KLHL29: variants seen among roughly 807,000 people sequenced by gnomAD.
KLHL29 encodes kelch like family member 29, also known as kelch-like protein 29.
KLHL29 carries 21 observed loss-of-function variants against 80.4 expected under a neutral mutation model. That is an observed-to-expected ratio of 0.26 (90% CI 0.19 to 0.38). KLHL29 has a LOEUF of 0.38. KLHL29 is among the 10% of genes least tolerant of loss of function. KLHL29 has a pLI of 1.00. For synonymous variants in KLHL29, 511 were observed against 526.8 expected, an observed-to-expected ratio of 0.97 and a Z score of 0.41; for missense variants, 867 against 1,223.9, an observed-to-expected ratio of 0.71 and a Z score of 4.35.
chr2:23,498,933 C>G (rs1469523086), intron 2 of KLHL29, among the ~76,000 whole-genome samples: 3 of 152,270 alleles, frequency 2.0e-5, no homozygotes, highest in Admixed American at 6.5e-5. Context: ...ACGGAGCTCT[C>G]AGAGAGAAAT....
intron 1 of KLHL29, among the ~76,000 whole-genome samples, chr2:23,438,958 T>C (rs1663428528): frequency 6.8e-6 from 1 of 146,628 alleles, no homozygotes; most frequent in African/African-American, 2.6e-5. Flanking sequence ...TTTTGGTAGG[T>C]AAGCTATTGA....
At chr2:23,584,332 G>T (rs1292268895) in intron 3 of KLHL29, among the ~76,000 whole-genome samples, 5 of 152,184 alleles carry the variant, frequency 3.3e-5, no homozygotes, top group Admixed American at 1.3e-4. Flanking sequence ...CCCAGGGACT[G>T]GGGGCAGAGC....
At chr2:23,421,506 A>G (rs1198400912) in intron 1 of KLHL29, among the ~76,000 whole-genome samples, 2 of 150,782 alleles carry the variant, frequency 1.3e-5, no homozygotes, top group East Asian at 3.9e-4. Flanking sequence ...AATGTCAGGA[A>G]GGAAGGTTTA....
At chr2:23,656,091 G>T (rs1670235659) in intron 5 of KLHL29, among the ~76,000 whole-genome samples, 1 of 152,216 alleles carries the variant, frequency 6.6e-6, no homozygotes, top group Non-Finnish European at 1.5e-5. Context: ...TAAAAAGAAA[G>T]GGACCATCTG....
intron 2 of KLHL29, among the ~76,000 whole-genome samples, chr2:23,508,032 G>C (rs1222577401): frequency 6.6e-6 from 1 of 152,178 alleles, no homozygotes; most frequent in Non-Finnish European, 1.5e-5. Flanking sequence ...CCTGGTTCAC[G>C]CATGCTCCTC....
chr2:23,695,644 G>A lies in KLHL29; in HGVS notation c.1564G>A (p.Val522Met), dbSNP rs1023459037. Residue 522 changes from valine (V) to methionine (M), a missense_variant, in exon 9 of 14, where the codon GTG becomes ATG. Transcript: ENST00000486442. This position sits in a 1 kb window ranked among gnomAD's most constrained non-coding sequence, Gnocchi z 7.6. ...GCAGTACGCGGCTGAGCTCCTGGCC[G>A]TGGTCCGCCTCCCCTTCATCCACCC... ...RTQYAAELLA[V>M]VRLPFIHPSY... 7 of 1,551,050 alleles carry A rather than the reference G, an allele frequency of 4.5e-6. No homozygotes were observed. The highest frequency in any genetic ancestry group is 1.2e-5 in the South Asian group (1 of 84,016).
At chr2:23,622,647 G>T (rs1309908825) in intron 3 of KLHL29, among the ~76,000 whole-genome samples, 1 of 151,948 alleles carries the variant, frequency 6.6e-6, no homozygotes, top group African/African-American at 2.4e-5. Context: ...GGAATGCTCA[G>T]TCTTTCCTTC....
chr2:23,525,720 G>T (rs1247444628), intron 2 of KLHL29, among the ~76,000 whole-genome samples: 1 of 49,920 alleles, frequency 2.0e-5, no homozygotes, highest in Non-Finnish European at 3.4e-5. Flanking sequence ...GTGAGCCCCA[G>T]CCCCTGCCCC....
At chr2:23,500,926 T>A (rs1270149681) in intron 2 of KLHL29, among the ~76,000 whole-genome samples, 1 of 152,184 alleles carries the variant, frequency 6.6e-6, no homozygotes, top group Non-Finnish European at 1.5e-5. Context: ...ATTATGCTAC[T>A]GTTTAATGAG....
At chr2:23,589,180 G>C (rs1197174322) in intron 3 of KLHL29, among the ~76,000 whole-genome samples, 1 of 152,264 alleles carries the variant, frequency 6.6e-6, no homozygotes, top group Non-Finnish European at 1.5e-5. Flanking sequence ...GGCGGCCTTT[G>C]CGCCCCGTTC....
At chr2:23,521,154 A>G (rs1379464801) in intron 2 of KLHL29, among the ~76,000 whole-genome samples, 3 of 152,100 alleles carry the variant, frequency 2.0e-5, no homozygotes, top group Non-Finnish European at 4.4e-5. Flanking sequence ...GTGGTGTGGG[A>G]TACATGCAGG....
chr2:23,543,894 G>A (rs1319149362), intron 2 of KLHL29, among the ~76,000 whole-genome samples: 1 of 152,160 alleles, frequency 6.6e-6, no homozygotes, highest in Non-Finnish European at 1.5e-5. Flanking sequence ...TGGCAAGCCT[G>A]CCCACCCCGG....
intron 1 of KLHL29, among the ~76,000 whole-genome samples, chr2:23,470,882 T>A (rs944409388): frequency 6.6e-6 from 1 of 152,200 alleles, no homozygotes; most frequent in Admixed American, 6.5e-5. Context: ...CTTCTGAGAA[T>A]GTTTATTTTT....
chr2:23,622,437 C>T lies in KLHL29; in HGVS notation c.286-16702C>T, dbSNP rs370981072. ...CACCTGTTTTCTTACCTGACTCCAC[C>T]GATCTGATCTGCTGGAGAGCCGAGC... On this transcript the variant is annotated intron_variant, in intron 3 of 13. Transcript: ENST00000486442. 6.6e-5 allele frequency among the ~76,000 whole-genome samples: 10 copies of T among 152,318 alleles called. No individual in the cohort carries two copies. The East Asian group carries it at 1.7e-3, about 26-fold the overall frequency.
chr2:23,670,974 CTCT>C (rs1670718681), intron 5 of KLHL29, among the ~76,000 whole-genome samples: 2 of 20,928 alleles, frequency 9.6e-5, no homozygotes, highest in Non-Finnish European at 1.3e-4. Context: ...CTCTCTCTCT[CTCT>C]CTCCCTCCCT....
At chr2:23,527,229 G>A (rs1045255144) in intron 2 of KLHL29, among the ~76,000 whole-genome samples, 2 of 152,186 alleles carry the variant, frequency 1.3e-5, no homozygotes, top group African/African-American at 2.4e-5. Context: ...GCCCTGCCCA[G>A]CTACACTGGA....
intron 3 of KLHL29, among the ~76,000 whole-genome samples, chr2:23,585,502 C>T (rs1668095805): frequency 6.6e-6 from 1 of 152,182 alleles, no homozygotes; most frequent in African/African-American, 2.4e-5. Context: ...AACATTTGCA[C>T]AGTCACGAGA....
chr2:23,606,185 AGAGG>A (rs1410518772), intron 3 of KLHL29, among the ~76,000 whole-genome samples: 4 of 111,654 alleles, frequency 3.6e-5, no homozygotes, highest in East Asian at 2.3e-4. Context: ...AGAGAGAGAG[AGAGG>A]GAGAGAGAGA....
chr2:23,387,405 C>A (rs1051793113), intron 1 of KLHL29, among the ~76,000 whole-genome samples: 1 of 152,142 alleles, frequency 6.6e-6, no homozygotes, highest in African/African-American at 2.4e-5. Flanking sequence ...TCTTCCTCGC[C>A]GTGTGGTCTT....
Sources: allele counts gnomAD v4.1 joint callset (sites outside exome capture counted in the v4.1 genomes callset), GRCh38; gene constraint gnomAD v4.1.1; non-coding constraint Gnocchi (gnomAD v3.1); transcripts MANE v1.5; gene names NCBI Gene and HGNC (gene_info 2026-07-23, HGNC 2026-07-21).